Variants in ADAM12 observed in about 807,000 individuals in gnomAD.
ADAM12 encodes ADAM metallopeptidase domain 12.
Under a neutral mutation model 106.4 loss-of-function variants are expected in ADAM12, and 70 were observed. The ratio of observed to expected loss-of-function variants is 0.66; its 90% CI spans 0.54 to 0.80. The LOEUF is 0.80. Among genes scored for constraint, ADAM12 ranks in the 30% least tolerant of loss-of-function variants. ADAM12 has a pLI of 0.00. For synonymous variants in ADAM12, 420 were observed against 433.5 expected, an observed-to-expected ratio of 0.97 and a Z score of 0.39; for missense variants, 1,010 against 1,171.9, an observed-to-expected ratio of 0.86 and a Z score of 2.02.
At chr10:126,108,533 C>A in intron 8 of ADAM12, 60 bp downstream of exon 8, 3 of 1,483,466 alleles carry the variant, frequency 2.0e-6, no homozygotes, top group Non-Finnish European at 2.8e-6. Flanking sequence ...TGAGGTCCCC[C>A]AACCTCATTT....
At position 126,049,364 on chromosome 10, in the gene ADAM12, G is replaced by T; in HGVS notation, c.1806C>A (p.Ile602=). The change falls in exon 16 of 23, where the codon ATC becomes ATA. Residue 602 remains isoleucine (I), a synonymous_variant. Coordinates refer to ENST00000448723, the MANE Select transcript of ADAM12 (RefSeq NM_001288973.2). The surrounding 1 kb of genome is among the most constrained non-coding windows in gnomAD (Gnocchi z 4.4). The stretch of plus-strand genomic sequence containing the variant: ...GAATCCGGCCTCCTTGCTGCAGGGG[G>T]ATGTTTGTTTCTATGGAAACGGCAT... ...GTNAVSIETN[I]PLQQGGRILC... is the part of the protein sequence containing the mutation. 6.2e-7 allele frequency: 1 copy of T among 1,614,210 alleles called. No homozygotes were observed. The highest frequency in any genetic ancestry group is 2.2e-5 in the East Asian group (1 of 44,886).
chr10:126,227,534 C>G (rs1023595032), intron 3 of ADAM12, among the ~76,000 whole-genome samples: 4 of 152,146 alleles, frequency 2.6e-5, no homozygotes, highest in East Asian at 3.9e-4. Flanking sequence ...GTACGACACA[C>G]AGGAGCTTGT....
At position 126,365,832 on chromosome 10, in the gene ADAM12, T is replaced by C. The variant is rs530288174; in HGVS notation, c.88+22226A>G. Reference sequence around the variant, plus strand: ...CAAACCATATCAAGGAGCACAGCGATTGGAAAGCCAATTACAACACATAGC... The same window carrying C: ...CAAACCATATCAAGGAGCACAGCGACTGGAAAGCCAATTACAACACATAGC... On this transcript the variant is annotated intron_variant, in intron 1 of 22. Transcript: ENST00000448723. 1.7e-3 allele frequency among the ~76,000 whole-genome samples: 258 copies of C among 152,254 alleles called. 7 individuals carry two copies. Among genetic ancestry groups the C allele is most frequent in the South Asian group, 9.3e-3 (45 of 4,830 alleles).
intron 2 of ADAM12, among the ~76,000 whole-genome samples, chr10:126,315,254 C>T (rs945649008): frequency 6.6e-6 from 1 of 152,166 alleles, no homozygotes; most frequent in Non-Finnish European, 1.5e-5. Context: ...TAAAGACGTA[C>T]GTTTCCACAG....
intron 4 of ADAM12, among the ~76,000 whole-genome samples, chr10:126,147,074 A>G (rs1459454310): frequency 6.6e-6 from 1 of 152,064 alleles, no homozygotes; most frequent in East Asian, 1.9e-4. Flanking sequence ...CCCAAACAAC[A>G]CTTTTGGCCA....
At chr10:126,298,662 C>T (rs1038658296) in intron 2 of ADAM12, among the ~76,000 whole-genome samples, 1 of 151,734 alleles carries the variant, frequency 6.6e-6, no homozygotes, top group Non-Finnish European at 1.5e-5. Flanking sequence ...AAGTCACATA[C>T]TTTTATAAAA....
chr10:126,211,306 G>A (rs1251496289), intron 3 of ADAM12, among the ~76,000 whole-genome samples: 2 of 152,188 alleles, frequency 1.3e-5, no homozygotes, highest in African/African-American at 4.8e-5. Context: ...GCCAAATGGA[G>A]CTAGGCAGGC....
intron 21 of ADAM12, among the ~76,000 whole-genome samples, chr10:126,025,670 T>C (rs1156453419): frequency 5.3e-5 from 8 of 151,870 alleles, no homozygotes; most frequent in African/African-American, 1.7e-4. Flanking sequence ...CACAAAAATC[T>C]CATCCAAAGG....
rs111518261 is a variant in ADAM12, at chr10:126,044,941, C to A, written c.1995+1114G>T. ...GTGGTCATGCGCCTTGTTTTAAAAC[C>A]CACAGGAAGGTGCTGCCGGGAGCCT... On this transcript the variant is annotated intron_variant, in intron 17 of 22. Coordinates refer to ENST00000448723, the MANE Select transcript of ADAM12 (RefSeq NM_001288973.2). Among the ~76,000 whole-genome samples the A allele has an allele frequency of 4.9e-3, 745 of 152,242 alleles. 7 individuals carry two copies. The highest frequency in any genetic ancestry group is 0.017 in the African/African-American group (711 of 41,520).
Position 126,302,648 on chromosome 10 carries a change from GTCTAGAGTCAGTT to G in ADAM12, c.187-23673_187-23661del, listed in dbSNP as rs547091598. 4.9e-4 allele frequency among the ~76,000 whole-genome samples: 74 copies of G among 152,266 alleles called. No homozygotes were observed. The East Asian group carries it at 0.012, about 24-fold the overall frequency. On this transcript the variant is annotated intron_variant, in intron 2 of 22. Transcript: ENST00000448723. ...TAAAACAAAAGCACAGTTGTCTCCT[GTCTAGAGTCAGTT>G]TGTATTCAATTGTTTTTTAAAAGGA...
chr10:126,182,911 C>A (rs1032755730), intron 3 of ADAM12, among the ~76,000 whole-genome samples: 21 of 152,256 alleles, frequency 1.4e-4, no homozygotes, highest in African/African-American at 4.3e-4. Flanking sequence ...CAGACCGATA[C>A]CTGTCCGTGG....
intron 3 of ADAM12, among the ~76,000 whole-genome samples, chr10:126,203,783 G>A (rs1957744032): frequency 6.6e-6 from 1 of 152,230 alleles, no homozygotes; most frequent in Non-Finnish European, 1.5e-5. Context: ...TTTGGGCAAT[G>A]TGAGAGTGTG....
Position 126,066,685 on chromosome 10 carries a change from C to T in ADAM12, c.1413+32G>A, listed in dbSNP as rs1407655835. The T allele has an allele frequency of 2.5e-6, 4 of 1,608,284 alleles. No individual in the cohort carries two copies. The highest frequency in any genetic ancestry group is 3.4e-6 in the Non-Finnish European group (4 of 1,174,720). ...TGAACCACCTGAACCTGTTGGCGAC[C>T]TGGGGGTCAAGTTGTAGCTCCGGTG... On this transcript the variant is annotated intron_variant, in intron 13 of 22. Coordinates refer to ENST00000448723, the MANE Select transcript of ADAM12 (RefSeq NM_001288973.2). The surrounding 1 kb of genome is among the most constrained non-coding windows in gnomAD (Gnocchi z 5.1).
chr10:126,091,077 CTG>C, intron 11 of ADAM12: 1 of 152,344 alleles, frequency 6.6e-6, no homozygotes, highest in South Asian at 2.1e-4. Flanking sequence ...CACACGGAAA[CTG>C]TGGACATGCT....
intron 5 of ADAM12, among the ~76,000 whole-genome samples, chr10:126,131,531 T>C (rs1565082476): frequency 6.6e-6 from 1 of 152,136 alleles, no homozygotes. Flanking sequence ...TGGGAGCTGA[T>C]CAGGCTTAGA....
intron 3 of ADAM12, among the ~76,000 whole-genome samples, chr10:126,274,649 T>C (rs1482617919): frequency 6.6e-6 from 1 of 152,172 alleles, no homozygotes; most frequent in South Asian, 2.1e-4. Context: ...GCACTTTTTA[T>C]ATCTTCATCG....
intron 8 of ADAM12, among the ~76,000 whole-genome samples, chr10:126,105,307 C>T (rs1266251400): frequency 1.3e-5 from 2 of 152,176 alleles, no homozygotes; most frequent in Non-Finnish European, 2.9e-5. Context: ...CCAAACACAT[C>T]CCTTTTTTAA....
chr10:126,095,056 T>C (rs1309181797), intron 10 of ADAM12, among the ~76,000 whole-genome samples: 1 of 152,228 alleles, frequency 6.6e-6, no homozygotes, highest in Non-Finnish European at 1.5e-5. Context: ...AAAAGGCCTG[T>C]ATACCATGGA....
chr10:126,309,937 T>C (rs1420587060), intron 2 of ADAM12, among the ~76,000 whole-genome samples: 1 of 151,944 alleles, frequency 6.6e-6, no homozygotes, highest in African/African-American at 2.4e-5. Flanking sequence ...GGTGGGCAGA[T>C]CACTTGAGGT....
Sources: gnomAD v4.1 joint callset for allele counts (sites outside exome capture counted in the v4.1 genomes callset) on GRCh38, gnomAD v4.1.1 for gene constraint, Gnocchi (gnomAD v3.1) non-coding constraint, MANE v1.5 for transcripts, NCBI Gene and HGNC (gene_info 2026-07-23, HGNC 2026-07-21) for gene names.